Variants in GLYATL2 observed in about 807,000 individuals in gnomAD.
GLYATL2 encodes glycine N-acyltransferase-like protein 2.
GLYATL2 carries 25 observed loss-of-function variants against 21.4 expected under a neutral mutation model. The observed-to-expected ratio is 1.17, with a 90% CI of 0.85 to 1.63. GLYATL2 has a LOEUF of 1.63. GLYATL2 is among the 40% of genes most tolerant of loss of function. The pLI, the probability that GLYATL2 is intolerant of heterozygous loss-of-function variation, is 0.00. For synonymous variants in GLYATL2, 114 were observed against 118.2 expected (o/e 0.96, Z 0.23); for missense variants, 361 against 343.3 (o/e 1.05, Z -0.41).
intron 1 of GLYATL2, among the ~76,000 whole-genome samples, chr11:58,860,802 A>G (rs1299346401): frequency 2.0e-5 from 3 of 152,050 alleles, no homozygotes; most frequent in African/African-American, 7.2e-5. Context: ...AGAGTTCATA[A>G]TCAGGAAATC....
intron 1 of GLYATL2, among the ~76,000 whole-genome samples, chr11:58,874,687 C>A (rs1854192946): frequency 6.6e-6 from 1 of 152,178 alleles, no homozygotes; most frequent in Admixed American, 6.5e-5. Context: ...TTTACATTTG[C>A]TGAGGAGTTC....
intron 1 of GLYATL2, among the ~76,000 whole-genome samples, chr11:58,841,957 G>T (rs776222236): frequency 1.3e-5 from 2 of 152,166 alleles, no homozygotes; most frequent in Admixed American, 6.5e-5. Flanking sequence ...AGGAAAGGAA[G>T]AAGAACATGA....
chr11:58,880,995 C>T (rs1854322662), intron 1 of GLYATL2, among the ~76,000 whole-genome samples: 1 of 152,042 alleles, frequency 6.6e-6, no homozygotes, highest in African/African-American at 2.4e-5. Flanking sequence ...AATATCTAAT[C>T]CATGGTTTAC....
chr11:58,846,407 C>T (rs2134582742), upstream of GLYATL2, among the ~76,000 whole-genome samples: 1 of 152,254 alleles, frequency 6.6e-6, no homozygotes, highest in South Asian at 2.1e-4. Context: ...GTTTTGACTT[C>T]ATATCCCTGA....
upstream of GLYATL2, chr11:58,905,553 T>C: frequency 2.2e-6 from 1 of 456,244 alleles, no homozygotes. Flanking sequence ...CCGCCAGGCA[T>C]CTCCCATACC....
chr11:58,866,923 T>A (rs549021877), intron 1 of GLYATL2, among the ~76,000 whole-genome samples: 9 of 149,514 alleles, frequency 6.0e-5, no homozygotes, highest in Admixed American at 1.4e-4. Context: ...TAGGTGCCAA[T>A]GGCTATCAGA....
At chr11:58,888,513 A>T (rs1019802902) in intron 1 of GLYATL2, among the ~76,000 whole-genome samples, 1 of 151,984 alleles carries the variant, frequency 6.6e-6, no homozygotes, top group African/African-American at 2.4e-5. Flanking sequence ...ACATTCTTTT[A>T]TACTTTTCTT....
In GLYATL2 at chr11:58,860,158, T is replaced by C. The variant is rs143455795; in HGVS notation, n.61-21790A>G. Among the ~76,000 whole-genome samples the C allele has an allele frequency of 3.3e-5, 5 of 152,308 alleles. No homozygotes were observed. The East Asian group carries it at 7.7e-4, about 24-fold the overall frequency. On this transcript the variant is annotated intron_variant and non_coding_transcript_variant, in intron 1 of 4. Transcript: ENST00000533636. ...TTTTATATTCCTTTGAAGAATGTCA[T>C]TGGTATTTAGATAGGAATTGCATTG...
chr11:58,907,484 T>TTTTGC, upstream of GLYATL2: 1 of 396,608 alleles, frequency 2.5e-6, no homozygotes, highest in Non-Finnish European at 5.1e-6. Context: ...TTTTTGTTTG[T>TTTTGC]TTTGTTTTGT....
At chr11:58,867,622 C>A (rs1854044574) in intron 1 of GLYATL2, among the ~76,000 whole-genome samples, 2 of 148,846 alleles carry the variant, frequency 1.3e-5, no homozygotes, top group Non-Finnish European at 3.0e-5. Context: ...AATCTCAACA[C>A]CTGTGAAACC....
At chr11:58,857,994 C>T (rs1035013451) in intron 1 of GLYATL2, among the ~76,000 whole-genome samples, 4 of 151,514 alleles carry the variant, frequency 2.6e-5, no homozygotes, top group African/African-American at 9.7e-5. Flanking sequence ...GGAGTTTGGG[C>T]TTTAAAACAT....
chr11:58,859,390 T>C (rs1853891882), intron 1 of GLYATL2, among the ~76,000 whole-genome samples: 1 of 151,914 alleles, frequency 6.6e-6, no homozygotes, highest in Non-Finnish European at 1.5e-5. Context: ...AAGATTATTA[T>C]AAACTAGCAA....
chr11:58,892,686 G>A (rs1854565079), intron 1 of GLYATL2: 2 of 358,094 alleles, frequency 5.6e-6, no homozygotes, highest in South Asian at 7.1e-5. Flanking sequence ...TTAGGTGAGG[G>A]GATAAGAGCA....
chr11:58,905,712 G>T, upstream of GLYATL2: 1 of 428,146 alleles, frequency 2.3e-6, no homozygotes, highest in East Asian at 7.4e-5. Context: ...GGGATCGCTG[G>T]GACCGGGATG....
rs991853302 is a variant in GLYATL2 at position 58,853,262 on chromosome 11, C to T, written n.61-14894G>A. On this transcript the variant is annotated intron_variant and non_coding_transcript_variant, in intron 1 of 4. Coordinates refer to the GLYATL2 transcript ENST00000533636. ...GACCCTTGAACAACATAGGTGTGAA[C>T]TGCATGGGTCCACTTATGGTTGGAT... Among the ~76,000 whole-genome samples, 35 of 152,182 alleles carry T rather than the reference C, an allele frequency of 2.3e-4. 1 individual carries two copies. The highest frequency in any genetic ancestry group is 1.9e-3 in the Admixed American group (29 of 15,274).
intron 1 of GLYATL2, among the ~76,000 whole-genome samples, chr11:58,896,639 G>T (rs531644144): frequency 4.5e-4 from 69 of 152,314 alleles, no homozygotes; most frequent in Non-Finnish European, 5.1e-4. Flanking sequence ...CAAAGATGGA[G>T]TAGGGACGGG....
At chr11:58,891,600 T>C (rs1854544729) in intron 1 of GLYATL2, among the ~76,000 whole-genome samples, 1 of 152,208 alleles carries the variant, frequency 6.6e-6, no homozygotes, top group African/African-American at 2.4e-5. Flanking sequence ...CCCAGCCCCT[T>C]TCCCTCCACC....
chr11:58,848,211 A>G (rs566157410), upstream of GLYATL2, among the ~76,000 whole-genome samples: 29 of 152,260 alleles, frequency 1.9e-4, no homozygotes, highest in African/African-American at 6.5e-4. Context: ...ATATCTGGAA[A>G]GCCTTTCCAA....
chr11:58,893,316 G>A, intron 1 of GLYATL2: 1 of 218,460 alleles, frequency 4.6e-6, no homozygotes, highest in East Asian at 1.1e-4. Context: ...CGAAATATCT[G>A]CGTCATAAGA....
Sources: allele counts gnomAD v4.1 joint callset (sites outside exome capture counted in the v4.1 genomes callset), GRCh38; gene constraint gnomAD v4.1.1; transcripts MANE v1.5; gene names NCBI Gene and HGNC (gene_info 2026-07-23, HGNC 2026-07-21).